EBF4: variants seen among roughly 807,000 people sequenced by gnomAD.
EBF4 encodes the protein EBF transcription factor 4.
A neutral mutation model predicts 67.1 loss-of-function variants in EBF4; 34 were observed. The ratio of observed to expected loss-of-function variants is 0.51; its 90% CI spans 0.39 to 0.67. The LOEUF (loss-of-function observed/expected upper bound fraction) is 0.67, where lower values mean the gene tolerates loss of function less well. EBF4 is among the 30% of genes least tolerant of loss of function. The pLI is 0.00. For synonymous variants in EBF4, 387 were observed against 377.7 expected, an observed-to-expected ratio of 1.02 and a Z score of -0.29; for missense variants, 837 against 873.3, an observed-to-expected ratio of 0.96 and a Z score of 0.52.
Position 2,751,945 on chromosome 20 carries a change from C to A in EBF4, c.1131C>A (p.Ala377=), listed in dbSNP as rs1381677451. The change falls in exon 12 of 17, where the codon GCC becomes GCA. Residue 377 remains alanine (A), a synonymous_variant. Transcript: ENST00000609451. The surrounding 1 kb of genome is among the most constrained non-coding windows in gnomAD (Gnocchi z 5.2). ...AGGAAGTGCTGCTGAAGCGGGCGGC[C>A]GACTTGGCAGAAGCCCTGTACGGAG... 6.5e-7 allele frequency: 1 copy of A among 1,549,160 alleles called. No individual in the cohort carries two copies. The highest frequency in any genetic ancestry group is 8.7e-7 in the Non-Finnish European group (1 of 1,146,762).
Position 2,715,937 on chromosome 20 carries a change from T to G in EBF4, c.557+6295T>G, listed in dbSNP as rs560640506. On this transcript the variant is annotated intron_variant, in intron 6 of 16. Coordinates refer to ENST00000609451, the Ensembl canonical transcript of EBF4. The stretch of plus-strand genomic sequence containing the variant: ...TTAATTTTTGTATTTTTAGCAGAGA[T>G]GGGATTTCGCCATGTTGGCCAGGCT... Among the ~76,000 whole-genome samples the G allele has an allele frequency of 5.9e-5, 9 of 152,010 alleles. 1 individual carries two copies. In the South Asian group the frequency reaches 1.9e-3, roughly 32 times the overall value.
chr20:2,735,232 G>A (rs897440995), intron 6 of EBF4, among the ~76,000 whole-genome samples: 2 of 152,164 alleles, frequency 1.3e-5, no homozygotes, highest in African/African-American at 4.8e-5. Context: ...AGGTTAAAGA[G>A]TGAAAACTGA....
At chr20:2,701,372 C>G (rs1045541475) in intron 1 of EBF4, among the ~76,000 whole-genome samples, 4 of 152,218 alleles carry the variant, frequency 2.6e-5, no homozygotes, top group East Asian at 1.9e-4. Flanking sequence ...GTCTTCCCCC[C>G]TCCCAGGTCC....
In EBF4 at chr20:2,755,619, C is replaced by A. The variant is rs1436386379; in HGVS notation, c.1541-8C>A. ...GCTGCGCCTGCCCCTCCCCGCCCCG[C>A]CCCGGAGTCATGCCCTCTAGCCCCC... On this transcript the variant is annotated splice_polypyrimidine_tract_variant and splice_region_variant and intron_variant, in intron 14 of 16. Coordinates refer to ENST00000609451, the Ensembl canonical transcript of EBF4. The surrounding 1 kb of genome is among the most constrained non-coding windows in gnomAD (Gnocchi z 4.7). 2.8e-6 allele frequency: 4 copies of A among 1,427,446 alleles called. No homozygotes were observed. In the East Asian group the frequency reaches 7.4e-5, roughly 27 times the overall value. The allele number at this position is 1,427,446 out of a possible 1,614,324, so 88.4% of individuals were successfully genotyped here. A position where few individuals can be genotyped will look rare whatever the true frequency, so the allele number is the denominator to read the frequency against.
chr20:2,741,557 C>G (rs577239844), intron 6 of EBF4, among the ~76,000 whole-genome samples: 1 of 152,302 alleles, frequency 6.6e-6, no homozygotes, highest in South Asian at 2.1e-4. Flanking sequence ...ACTCCATGGA[C>G]AAGACGTTTC....
chr20:2,742,826 G>C (rs2087987742), intron 6 of EBF4, among the ~76,000 whole-genome samples: 1 of 152,154 alleles, frequency 6.6e-6, no homozygotes, highest in Admixed American at 6.5e-5. Flanking sequence ...AGAGGTGGGG[G>C]GTGGTTCCAT....
At chr20:2,725,440 C>G (rs2087735309) in intron 6 of EBF4, among the ~76,000 whole-genome samples, 1 of 152,010 alleles carries the variant, frequency 6.6e-6, no homozygotes, top group South Asian at 2.1e-4. Context: ...ATGGTCTCTT[C>G]TTGCTTGCTC....
intron 1 of EBF4, among the ~76,000 whole-genome samples, chr20:2,703,692 C>A (rs941806642): frequency 4.7e-5 from 7 of 148,376 alleles, no homozygotes; most frequent in African/African-American, 1.7e-4. Context: ...AGGTCTTGAG[C>A]CCAAGTCTTC....
At chr20:2,736,269 T>G (rs6051347) in intron 6 of EBF4, among the ~76,000 whole-genome samples, 7,161 of 152,184 alleles carry the variant, frequency 0.047, 570 homozygotes, top group African/African-American at 0.16. Flanking sequence ...TCCCTGGCAT[T>G]TAATTGTGCC....
rs4815539 is a variant in EBF4 at position 2,739,389 on chromosome 20, T to A, written c.558-9160T>A. ...TCTCGGTGAGATCCTCCAAGACCCATCACCCAAGACCAAATTGGAGCTCTA... is the reference window on the plus strand; with the variant it reads ...TCTCGGTGAGATCCTCCAAGACCCAACACCCAAGACCAAATTGGAGCTCTA... On this transcript the variant is annotated intron_variant, in intron 6 of 16. Transcript: ENST00000609451. The surrounding 1 kb of genome is among the most constrained non-coding windows in gnomAD (Gnocchi z 4.5). 0.49 allele frequency among the ~76,000 whole-genome samples: 73,804 copies of A among 150,968 alleles called. 18,872 individuals carry two copies. The highest frequency in any genetic ancestry group is 0.61 in the East Asian group (3,102 of 5,068).
intron 16 of EBF4, 77 bp from the exon 17 acceptor site, chr20:2,759,191 A>G: frequency 1.7e-6 from 1 of 584,458 alleles, no homozygotes; most frequent in Non-Finnish European, 3.0e-6. Flanking sequence ...CTGACCAGGT[A>G]GAGAGAAGTG....
intron 9 of EBF4, 46 bp downstream of exon 9, chr20:2,749,799 C>A (rs2088112327): frequency 6.5e-7 from 1 of 1,540,824 alleles, no homozygotes; most frequent in African/African-American, 1.4e-5. Flanking sequence ...GGGCTGGGCC[C>A]TCCCCTCGCC....
chr20:2,695,019 A>G (rs995174325), intron 1 of EBF4, among the ~76,000 whole-genome samples: 3 of 152,164 alleles, frequency 2.0e-5, no homozygotes, highest in Admixed American at 6.5e-5. Flanking sequence ...AACTACTGTC[A>G]ACATTTTAGT....
chr20:2,750,133 C>T (rs1600242770), intron 10 of EBF4, among the ~76,000 whole-genome samples, 160 bp downstream of exon 10: 1 of 152,082 alleles, frequency 6.6e-6, no homozygotes, highest in African/African-American at 2.4e-5. Flanking sequence ...TGCCTGTGAT[C>T]GCTCCGCTCG....
In EBF4 at chr20:2,747,322, A is replaced by C. The variant is rs866257015; in HGVS notation, c.558-1227A>C. 6.2e-3 allele frequency among the ~76,000 whole-genome samples: 937 copies of C among 151,848 alleles called. 21 individuals carry two copies. The highest frequency in any genetic ancestry group is 0.022 in the African/African-American group (891 of 41,358). ...AAAACAAAAAACAAAACAAACAAAA[A>C]AAAAAAAACAGGAAAAAAAAGAGTA... On this transcript the variant is annotated intron_variant, in intron 6 of 16. Transcript: ENST00000609451. The surrounding 1 kb of genome is among the most constrained non-coding windows in gnomAD (Gnocchi z 4.6).
At chr20:2,758,400 G>A (rs1012641235) in intron 15 of EBF4, among the ~76,000 whole-genome samples, 45 of 152,138 alleles carry the variant, frequency 3.0e-4, no homozygotes, top group Admixed American at 2.9e-3. Context: ...TCTTAGGTGT[G>A]TCTGGAGCTT....
chr20:2,727,182 A>T (rs141773663), intron 6 of EBF4, among the ~76,000 whole-genome samples: 1 of 151,972 alleles, frequency 6.6e-6, no homozygotes, highest in Non-Finnish European at 1.5e-5. Flanking sequence ...TGTTTATAAC[A>T]TGTATATATA....
intron 6 of EBF4, among the ~76,000 whole-genome samples, chr20:2,711,980 T>C (rs1474447296): frequency 6.6e-6 from 1 of 151,798 alleles, no homozygotes; most frequent in Non-Finnish European, 1.5e-5. Context: ...TCGGCAAGAG[T>C]GTGCCTGCTG....
chr20:2,758,830 C>G (rs1600251653), intron 15 of EBF4, 79 bp from the exon 16 acceptor site: 1 of 1,305,426 alleles, frequency 7.7e-7, no homozygotes. Context: ...TGCCTGCTGT[C>G]TCCAGCCCAG....
Sources: gnomAD v4.1 joint callset for allele counts (sites outside exome capture counted in the v4.1 genomes callset) on GRCh38, gnomAD v4.1.1 for gene constraint, Gnocchi (gnomAD v3.1) non-coding constraint, MANE v1.5 for transcripts, NCBI Gene and HGNC (gene_info 2026-07-23, HGNC 2026-07-21) for gene names.